The following DCLK2 variants were observed in gnomAD, a reference collection of about 807,000 sequenced individuals.
The protein encoded by DCLK2 is serine/threonine-protein kinase DCLK2.
Under a neutral mutation model 78.4 loss-of-function variants are expected in DCLK2, and 31 were observed. That is an observed-to-expected ratio of 0.40 (90% CI 0.30 to 0.53). DCLK2 has a LOEUF of 0.53. Among genes scored for constraint, DCLK2 ranks in the 20% least tolerant of loss-of-function variants. The pLI, the probability that DCLK2 is intolerant of heterozygous loss-of-function variation, is 0.61. For missense variants in DCLK2, 872 were observed against 973.7 expected, an observed-to-expected ratio of 0.90 and a Z score of 1.39; for synonymous variants, 407 against 374.9, an observed-to-expected ratio of 1.09 and a Z score of -0.99.
intron 9 of DCLK2, 82 bp from the exon 10 acceptor site, chr4:150,232,600 C>A: frequency 6.5e-7 from 1 of 1,538,124 alleles, no homozygotes. Context: ...TCATTCTCTG[C>A]TTTATGCCAA....
intron 2 of DCLK2, among the ~76,000 whole-genome samples, chr4:150,183,880 G>T (rs924443852): frequency 2.0e-5 from 3 of 151,832 alleles, no homozygotes; most frequent in African/African-American, 7.3e-5. Flanking sequence ...CCACAGGCAT[G>T]AGCCACCACA....
At chr4:150,135,635 A>T (rs1442025105) in intron 2 of DCLK2, among the ~76,000 whole-genome samples, 3 of 152,228 alleles carry the variant, frequency 2.0e-5, no homozygotes, top group Admixed American at 6.5e-5. Flanking sequence ...CTTAGCAGGG[A>T]AAGCCACCTG....
intron 2 of DCLK2, among the ~76,000 whole-genome samples, chr4:150,124,027 A>AG (rs1349240433): frequency 5.3e-5 from 8 of 152,090 alleles, no homozygotes; most frequent in Non-Finnish European, 1.2e-4. Flanking sequence ...CTCAAAAAAA[A>AG]AAAAATTAAC....
intron 5 of DCLK2, among the ~76,000 whole-genome samples, chr4:150,214,821 G>A (rs1740565343): frequency 6.6e-6 from 1 of 151,918 alleles, no homozygotes; most frequent in Admixed American, 6.6e-5. Flanking sequence ...AATTAGCCAG[G>A]CGTGGTGGCA....
chr4:150,176,781 A>G (rs1475379662), intron 2 of DCLK2, among the ~76,000 whole-genome samples: 11 of 152,206 alleles, frequency 7.2e-5, no homozygotes, highest in Non-Finnish European at 1.5e-4. Context: ...TTCTGACATG[A>G]GTAGCATTCT....
At chr4:150,222,692 GACAA>G (rs1266595476) in intron 7 of DCLK2, among the ~76,000 whole-genome samples, 1 of 148,834 alleles carries the variant, frequency 6.7e-6, no homozygotes, top group Non-Finnish European at 1.5e-5. Context: ...CAAAAAACAA[GACAA>G]ACAAAAAAAA....
chr4:150,151,272 A>G (rs1734874738), intron 2 of DCLK2, among the ~76,000 whole-genome samples: 1 of 152,234 alleles, frequency 6.6e-6, no homozygotes, highest in African/African-American at 2.4e-5. Context: ...ACCAGCCAAC[A>G]TAAAGAATTT....
intron 2 of DCLK2, among the ~76,000 whole-genome samples, chr4:150,141,244 G>A (rs931425246): frequency 1.3e-5 from 2 of 152,060 alleles, no homozygotes; most frequent in African/African-American, 4.8e-5. Context: ...CCCCCAAATC[G>A]TGACTCATTT....
intron 14 of DCLK2, among the ~76,000 whole-genome samples, chr4:150,249,037 C>T (rs1271270034): frequency 1.3e-5 from 2 of 152,070 alleles, no homozygotes; most frequent in South Asian, 2.1e-4. Context: ...TCCCTGTGTA[C>T]CTCCAATGCC....
chr4:150,124,106 T>G (rs921671861), intron 2 of DCLK2, among the ~76,000 whole-genome samples: 3 of 152,130 alleles, frequency 2.0e-5, no homozygotes, highest in African/African-American at 7.2e-5. Context: ...TTCATGAATA[T>G]TCTCCCTGTG....
intron 3 of DCLK2, 79 bp from the exon 4 acceptor site, chr4:150,197,923 C>A: frequency 9.1e-7 from 1 of 1,098,984 alleles, no homozygotes; most frequent in Non-Finnish European, 1.3e-6. Flanking sequence ...TAGTTCTGGT[C>A]AGTAAACAAT....
intron 2 of DCLK2, among the ~76,000 whole-genome samples, chr4:150,126,961 G>C (rs1431920172): frequency 1.3e-5 from 2 of 152,150 alleles, no homozygotes; most frequent in Non-Finnish European, 2.9e-5. Context: ...GTTCTGGCTA[G>C]TTGCTTTGTA....
intron 2 of DCLK2, among the ~76,000 whole-genome samples, chr4:150,142,216 T>G (rs535155595): frequency 6.6e-6 from 1 of 152,154 alleles, no homozygotes; most frequent in South Asian, 2.1e-4. Flanking sequence ...CACTCCCTCT[T>G]TAGATTCGCA....
Position 150,256,315 on chromosome 4 carries a change from G to A in DCLK2, c.*68G>A, listed in dbSNP as rs1281779799. Reference sequence around the variant, plus strand: ...GCCAGCCCTCTGCTCGGCCTCGCCGGCCTCCCTGCTGCAGGCCTCCCTCTC... The same window carrying A: ...GCCAGCCCTCTGCTCGGCCTCGCCGACCTCCCTGCTGCAGGCCTCCCTCTC... On this transcript the variant is annotated 3_prime_UTR_variant, in exon 16 of 16. Coordinates refer to ENST00000296550, the MANE Select transcript of DCLK2 (RefSeq NM_001040260.4). The A allele has an allele frequency of 4.9e-6, 7 of 1,442,334 alleles. No individual in the cohort carries two copies. Among genetic ancestry groups the A allele is most frequent in the Non-Finnish European group, 6.4e-6 (7 of 1,101,912 alleles). 89.3% of individuals were successfully genotyped at this position (1,442,334 alleles called of 1,614,324 possible).
chr4:150,133,150 C>T (rs1733445646), intron 2 of DCLK2, among the ~76,000 whole-genome samples: 3 of 152,076 alleles, frequency 2.0e-5, no homozygotes, highest in Non-Finnish European at 1.5e-5. Flanking sequence ...GCATTATGCC[C>T]GGGGACCATT....
chr4:150,210,473 A>G (rs1437663091), intron 5 of DCLK2, among the ~76,000 whole-genome samples: 1 of 152,100 alleles, frequency 6.6e-6, no homozygotes, highest in Admixed American at 6.6e-5. Flanking sequence ...CCCTCTTCAC[A>G]TACTCCAACC....
At position 150,249,697 on chromosome 4, in the gene DCLK2, C is replaced by A. The variant is rs372254129; in HGVS notation, c.2073+13C>A. 2 of 1,606,700 alleles carry A rather than the reference C, an allele frequency of 1.2e-6. No individual in the cohort carries two copies. The highest frequency in any genetic ancestry group is 1.7e-5 in the Admixed American group (1 of 60,004). ...CTCCGTCATCATGGTGAGTGGAAGG[C>A]GGCAGGTCTGGCCTGACTGCGGAGC... On this transcript the variant is annotated intron_variant, in intron 15 of 15. Coordinates refer to ENST00000296550, the MANE Select transcript of DCLK2 (RefSeq NM_001040260.4).
intron 2 of DCLK2, among the ~76,000 whole-genome samples, chr4:150,186,827 A>G (rs965273166): frequency 8.5e-5 from 13 of 152,104 alleles, no homozygotes; most frequent in Middle Eastern, 3.4e-3. Context: ...CAGGAGGTTG[A>G]GGCTGCAGTG....
chr4:150,178,808 CA>C (rs1327711952), intron 2 of DCLK2, among the ~76,000 whole-genome samples: 3 of 152,162 alleles, frequency 2.0e-5, no homozygotes, highest in Non-Finnish European at 2.9e-5. Flanking sequence ...CTCTAACTTT[CA>C]ACCAGTTTAC....
Sources: allele counts gnomAD v4.1 joint callset (sites outside exome capture counted in the v4.1 genomes callset), GRCh38; gene constraint gnomAD v4.1.1; transcripts MANE v1.5; gene names NCBI Gene and HGNC (gene_info 2026-07-23, HGNC 2026-07-21).